GABRB2: variants seen among roughly 807,000 people sequenced by gnomAD.
GABRB2 encodes gamma-aminobutyric acid receptor subunit beta-2.
GABRB2 carries 16 observed loss-of-function variants against 54.7 expected under a neutral mutation model. The observed-to-expected ratio is 0.29, with a 90% CI of 0.20 to 0.44. GABRB2 has a LOEUF of 0.44. GABRB2 is among the 20% of genes least tolerant of loss of function. The pLI, the probability that GABRB2 is intolerant of heterozygous loss-of-function variation, is 1.00. For missense variants in GABRB2, 355 were observed against 644.0 expected, an observed-to-expected ratio of 0.55 and a Z score of 4.86; for synonymous variants, 244 against 233.8, an observed-to-expected ratio of 1.04 and a Z score of -0.40.
intron 3 of GABRB2, among the ~76,000 whole-genome samples, chr5:161,503,857 A>G (rs1193106004): frequency 2.6e-5 from 4 of 152,174 alleles, no homozygotes; most frequent in African/African-American, 9.7e-5. Flanking sequence ...CAGGTATGAA[A>G]GAATGAAAAA....
At chr5:161,534,600 G>A (rs901216498) in intron 3 of GABRB2, among the ~76,000 whole-genome samples, 1 of 152,144 alleles carries the variant, frequency 6.6e-6, no homozygotes, top group Non-Finnish European at 1.5e-5. Context: ...CTAGAGTCAA[G>A]TCAGAGGATT....
chr5:161,537,722 A>G (rs1760685228), intron 3 of GABRB2, among the ~76,000 whole-genome samples: 2 of 152,158 alleles, frequency 1.3e-5, no homozygotes, highest in Admixed American at 1.3e-4. Context: ...GAATCTGTTC[A>G]TGCAATTCTA....
At chr5:161,474,615 T>C (rs1758540438) in intron 3 of GABRB2, among the ~76,000 whole-genome samples, 1 of 151,914 alleles carries the variant, frequency 6.6e-6, no homozygotes, top group Non-Finnish European at 1.5e-5. Flanking sequence ...GAAGAATAGG[T>C]ATCAATGTGT....
At chr5:161,516,214 G>T (rs1164158868) in intron 3 of GABRB2, among the ~76,000 whole-genome samples, 4 of 152,016 alleles carry the variant, frequency 2.6e-5, no homozygotes, top group African/African-American at 7.2e-5. Flanking sequence ...TAACTTCTTT[G>T]GATACATATA....
intron 3 of GABRB2, among the ~76,000 whole-genome samples, chr5:161,468,973 C>T (rs1758357689): frequency 6.6e-6 from 1 of 151,734 alleles, no homozygotes; most frequent in Non-Finnish European, 1.5e-5. Flanking sequence ...GATGTTATTA[C>T]TATAACATCT....
intron 5 of GABRB2, among the ~76,000 whole-genome samples, chr5:161,368,995 A>T (rs950105119): frequency 6.6e-6 from 1 of 152,126 alleles, no homozygotes; most frequent in African/African-American, 2.4e-5. Context: ...GTTTTATTAG[A>T]TCTTATTTTT....
At chr5:161,527,529 A>T (rs1398648864) in intron 3 of GABRB2, among the ~76,000 whole-genome samples, 1 of 151,622 alleles carries the variant, frequency 6.6e-6, no homozygotes, top group Non-Finnish European at 1.5e-5. Flanking sequence ...ACAATCAAAT[A>T]TATTATTCAC....
At position 161,288,773 on chromosome 5, in the gene GABRB2, T is replaced by A. The variant is rs945905242; in HGVS notation, c.*5308A>T. 2.0e-5 allele frequency: 3 copies of A among 152,194 alleles called. No homozygotes were observed. Among genetic ancestry groups the A allele is most frequent in the Admixed American group, 2.0e-4 (3 of 15,268 alleles). 9.4% of individuals were successfully genotyped at this position (152,194 alleles called of 1,614,324 possible). A position where few individuals can be genotyped will look rare whatever the true frequency, so the allele number is the denominator to read the frequency against. On this transcript the variant is annotated 3_prime_UTR_variant, in exon 10 of 10. Transcript: ENST00000393959. ...TTGTGAAGAAACTAGAATATCACTT[T>A]TTTTTTTTATAAAAGGACAATTTAG...
chr5:161,347,304 C>T (rs1754345395), intron 5 of GABRB2, among the ~76,000 whole-genome samples: 1 of 152,072 alleles, frequency 6.6e-6, no homozygotes, highest in Non-Finnish European at 1.5e-5. Context: ...GGATTGAACT[C>T]AATCTGCTTT....
At chr5:161,308,004 G>A (rs954874166) in intron 9 of GABRB2, among the ~76,000 whole-genome samples, 2 of 151,440 alleles carry the variant, frequency 1.3e-5, no homozygotes, top group Admixed American at 6.6e-5. Flanking sequence ...GACTACAGGC[G>A]CCCACCACCA....
chr5:161,343,583 T>C (rs1239775021), intron 5 of GABRB2, among the ~76,000 whole-genome samples: 1 of 152,068 alleles, frequency 6.6e-6, no homozygotes, highest in East Asian at 1.9e-4. Context: ...ATGTGTTTCT[T>C]AAATTTTCTT....
At chr5:161,385,382 T>A (rs1279660876) in intron 5 of GABRB2, among the ~76,000 whole-genome samples, 1 of 152,208 alleles carries the variant, frequency 6.6e-6, no homozygotes, top group Non-Finnish European at 1.5e-5. Context: ...TGGTAATATG[T>A]AGAAGCTCTC....
chr5:161,484,774 G>C (rs1010541889), intron 3 of GABRB2, among the ~76,000 whole-genome samples: 4 of 151,880 alleles, frequency 2.6e-5, no homozygotes, highest in Admixed American at 2.6e-4. Context: ...ATTACAACTA[G>C]TCTCACTTCA....
chr5:161,348,079 A>T (rs1262534963), intron 5 of GABRB2, among the ~76,000 whole-genome samples: 1 of 152,116 alleles, frequency 6.6e-6, no homozygotes, highest in East Asian at 1.9e-4. Flanking sequence ...TATAGAGCTC[A>T]GTTTCTATAT....
intron 5 of GABRB2, among the ~76,000 whole-genome samples, chr5:161,338,201 T>C (rs540441125): frequency 0.012 from 1,824 of 152,284 alleles, 34 homozygotes; most frequent in African/African-American, 0.04. Flanking sequence ...TTAGCTTTCC[T>C]AGAAATCTAC....
intron 9 of GABRB2, among the ~76,000 whole-genome samples, chr5:161,319,856 T>C (rs1758156946): frequency 6.6e-6 from 1 of 151,780 alleles, no homozygotes; most frequent in African/African-American, 2.4e-5. Flanking sequence ...TCATCTTTAG[T>C]TAATTGGTCG....
upstream of GABRB2, chr5:161,546,765 A>G: frequency 6.6e-6 from 10 of 1,504,922 alleles, no homozygotes; most frequent in Non-Finnish European, 8.9e-6. Flanking sequence ...TCAAAGGGGA[A>G]GCGGCGGCTG....
chr5:161,368,778 C>G (rs1437890225), intron 5 of GABRB2, among the ~76,000 whole-genome samples: 1 of 152,106 alleles, frequency 6.6e-6, no homozygotes, highest in Non-Finnish European at 1.5e-5. Context: ...AGGAAAGAAG[C>G]TGAGGCATTT....
At chr5:161,369,533 G>GGA (rs70990780) in intron 5 of GABRB2, among the ~76,000 whole-genome samples, 25,654 of 146,246 alleles carry the variant, frequency 0.18, 2,427 homozygotes, top group African/African-American at 0.26. Context: ...AGGAGGAGAG[G>GGA]GAGAGAGAGA....
Sources: gnomAD v4.1 joint callset for allele counts (sites outside exome capture counted in the v4.1 genomes callset) on GRCh38, gnomAD v4.1.1 for gene constraint, MANE v1.5 for transcripts, NCBI Gene and HGNC (gene_info 2026-07-23, HGNC 2026-07-21) for gene names.